The following CREB5 variants were observed in gnomAD, a reference collection of about 807,000 sequenced individuals.
CREB5 encodes the protein cAMP responsive element binding protein 5, also known as cyclic AMP-responsive element-binding protein 5.
A neutral mutation model predicts 57.1 loss-of-function variants in CREB5; 19 were observed. That is an observed-to-expected ratio of 0.33 (90% CI 0.23 to 0.49). CREB5 has a LOEUF of 0.49. Among genes scored for constraint, CREB5 ranks in the 20% least tolerant of loss-of-function variants. The pLI, the probability that CREB5 is intolerant of heterozygous loss-of-function variation, is 0.99. For missense variants in CREB5, 579 were observed against 671.6 expected, an observed-to-expected ratio of 0.86 and a Z score of 1.52; for synonymous variants, 238 against 238.3, an observed-to-expected ratio of 1.00 and a Z score of 0.01.
At chr7:28,342,012 G>A (rs1165216404) in intron 1 of CREB5, among the ~76,000 whole-genome samples, 2 of 152,134 alleles carry the variant, frequency 1.3e-5, no homozygotes, top group Non-Finnish European at 2.9e-5. Context: ...TAGTAAATGT[G>A]GTTGGAAGAC....
rs1320551403 is a variant in CREB5 at position 28,464,493 on chromosome 7, T to TTG, written c.4-23681_4-23680dup. On this transcript the variant is annotated intron_variant, in intron 1 of 10. Coordinates refer to ENST00000357727, the MANE Select transcript of CREB5 (RefSeq NM_182898.4). ...GGCCTGATCTCTCCTTTGTGGAAAG[T>TTG]TGCGTGTGTGTGTGTGTGTGTGTGT... 6.5e-3 allele frequency among the ~76,000 whole-genome samples: 701 copies of TTG among 107,824 alleles called. 2 individuals carry two copies. The highest frequency in any genetic ancestry group is 0.018 in the African/African-American group (485 of 27,406). The allele number at this position is 107,824 out of a possible 152,430, so 70.7% of individuals were successfully genotyped here.
At chr7:28,801,441 T>C (rs1808363502) in intron 7 of CREB5, among the ~76,000 whole-genome samples, 1 of 152,210 alleles carries the variant, frequency 6.6e-6, no homozygotes, top group Non-Finnish European at 1.5e-5. Flanking sequence ...AATTCGGAAG[T>C]ATCATCCAAA....
intron 5 of CREB5, among the ~76,000 whole-genome samples, chr7:28,642,008 G>A (rs1296384464): frequency 6.6e-6 from 1 of 152,208 alleles, no homozygotes; most frequent in Non-Finnish European, 1.5e-5. Context: ...AGTTATGGGA[G>A]GACCAAAATT....
chr7:28,582,348 A>T (rs955723314), intron 5 of CREB5, among the ~76,000 whole-genome samples: 1 of 152,228 alleles, frequency 6.6e-6, no homozygotes, highest in African/African-American at 2.4e-5. Context: ...TAATTTGTTC[A>T]TTCTCAATGG....
intron 7 of CREB5, among the ~76,000 whole-genome samples, chr7:28,778,628 T>C (rs10224680): frequency 0.41 from 61,655 of 152,014 alleles, 12,988 homozygotes; most frequent in East Asian, 0.77. Flanking sequence ...CTTTTATCAT[T>C]TTGGGAACTC....
chr7:28,435,609 G>A, intron 1 of CREB5: 1 of 984,586 alleles, frequency 1.0e-6, no homozygotes. Context: ...CTTTGCAAAA[G>A]GCAAGTTTTA....
intron 5 of CREB5, among the ~76,000 whole-genome samples, chr7:28,620,188 C>T (rs1797741369): frequency 6.6e-6 from 1 of 152,154 alleles, no homozygotes; most frequent in Non-Finnish European, 1.5e-5. Flanking sequence ...TAGAAAAACT[C>T]AGAACAAACC....
intron 5 of CREB5, among the ~76,000 whole-genome samples, chr7:28,638,219 T>G (rs1223557921): frequency 2.0e-5 from 3 of 151,060 alleles, no homozygotes; most frequent in Non-Finnish European, 2.9e-5. Context: ...AAGAAAATCT[T>G]GATCCCTGCC....
chr7:28,635,818 A>G (rs1245226295), intron 5 of CREB5, among the ~76,000 whole-genome samples: 1 of 152,174 alleles, frequency 6.6e-6, no homozygotes, highest in African/African-American at 2.4e-5. Context: ...TCAGATTGGC[A>G]TATGCCAGTT....
At chr7:28,610,838 G>C (rs1336987500) in intron 5 of CREB5, among the ~76,000 whole-genome samples, 2 of 151,866 alleles carry the variant, frequency 1.3e-5, no homozygotes, top group East Asian at 1.9e-4. Context: ...TTTTTGTGTT[G>C]CTTCTTTTTG....
chr7:28,456,963 G>A (rs1286062752), intron 1 of CREB5, among the ~76,000 whole-genome samples: 1 of 151,746 alleles, frequency 6.6e-6, no homozygotes, highest in Non-Finnish European at 1.5e-5. Flanking sequence ...TGGTTCTGGA[G>A]GCCAAGGAAG....
chr7:28,521,314 TA>T (rs1424684176), intron 4 of CREB5, among the ~76,000 whole-genome samples: 37 of 152,208 alleles, frequency 2.4e-4, no homozygotes, highest in African/African-American at 8.4e-4. Context: ...CAGGTGGTTA[TA>T]ATACTGTAGG....
chr7:28,402,671 A>C (rs1787495133), intron 1 of CREB5, among the ~76,000 whole-genome samples: 1 of 152,232 alleles, frequency 6.6e-6, no homozygotes, highest in Non-Finnish European at 1.5e-5. Flanking sequence ...ACAAAAATTA[A>C]TTCAAGATGG....
At chr7:28,354,194 G>C (rs1450545159) in intron 1 of CREB5, among the ~76,000 whole-genome samples, 1 of 152,182 alleles carries the variant, frequency 6.6e-6, no homozygotes, top group African/African-American at 2.4e-5. Context: ...CACTTGATTG[G>C]ATTGAAGGAT....
chr7:28,505,231 C>T (rs6963527), intron 3 of CREB5, among the ~76,000 whole-genome samples: 29,746 of 152,164 alleles, frequency 0.2, 3,178 homozygotes, highest in South Asian at 0.28. Context: ...CACACACGCA[C>T]GCACACACGC....
At chr7:28,523,156 G>A (rs1793284131) in intron 4 of CREB5, among the ~76,000 whole-genome samples, 2 of 152,146 alleles carry the variant, frequency 1.3e-5, no homozygotes, top group African/African-American at 4.8e-5. Context: ...GGTCTCTTAG[G>A]GCATAACCTT....
rs115500340 is a variant in CREB5, at chr7:28,555,657, T to G, written c.292-14708T>G. Among the ~76,000 whole-genome samples the G allele has an allele frequency of 9.0e-3, 1,371 of 152,244 alleles. 22 individuals carry two copies. The highest frequency in any genetic ancestry group is 0.03 in the African/African-American group (1,258 of 41,540). On this transcript the variant is annotated intron_variant, in intron 4 of 10. Coordinates refer to ENST00000357727, the MANE Select transcript of CREB5 (RefSeq NM_182898.4). ...CACTCAAATATTTACAAAACAGATC[T>G]TAGAGCAAAATAAAAAAAACAGGCA... is the stretch of plus-strand genomic sequence containing the variant.
intron 1 of CREB5, among the ~76,000 whole-genome samples, chr7:28,357,855 T>C (rs1786377629): frequency 1.3e-5 from 2 of 152,222 alleles, no homozygotes; most frequent in Admixed American, 6.5e-5. Context: ...CTGTGGTTCA[T>C]GAAAGAAAGG....
intron 5 of CREB5, among the ~76,000 whole-genome samples, chr7:28,575,594 C>T (rs1795878316): frequency 6.6e-6 from 1 of 152,222 alleles, no homozygotes; most frequent in Non-Finnish European, 1.5e-5. Context: ...GACAGCGGGG[C>T]AGCAGGTCCC....
Sources: allele counts gnomAD v4.1 joint callset (sites outside exome capture counted in the v4.1 genomes callset), GRCh38; gene constraint gnomAD v4.1.1; transcripts MANE v1.5; gene names NCBI Gene and HGNC (gene_info 2026-07-23, HGNC 2026-07-21).